The following KBTBD11 variants were observed in gnomAD, a reference collection of about 807,000 sequenced individuals.
The protein encoded by KBTBD11 is kelch repeat and BTB domain containing 11, also known as kelch repeat and BTB domain-containing protein 11.
For missense variants in KBTBD11, 1,390 were observed against 1,001.8 expected, an observed-to-expected ratio of 1.39 and a Z score of -5.23; for synonymous variants, 747 against 499.0, an observed-to-expected ratio of 1.50 and a Z score of -6.63.
intron 1 of KBTBD11, among the ~76,000 whole-genome samples, chr8:1,995,485 C>T (rs191651008): frequency 9.9e-5 from 15 of 152,156 alleles, no homozygotes; most frequent in Non-Finnish European, 1.8e-4. Context: ...TTTCATGGTC[C>T]CTTTACACTA....
chr8:2,002,363 A>G lies in KBTBD11; in HGVS notation c.1171A>G (p.Ser391Gly), dbSNP rs986872277. The change falls in exon 2 of 2, where the codon AGC becomes GGC. Residue 391 changes from serine to glycine, a missense_variant. Ser to Gly is a moderately conservative substitution (Grantham distance 56). Coordinates refer to ENST00000320248, the MANE Select transcript of KBTBD11 (RefSeq NM_014867.3). The surrounding 1 kb of genome is among the most constrained non-coding windows in gnomAD (Gnocchi z 4.1). ...CTTCTGCTACAACCCGGCCACGGAC[A>G]GCTGGAGCGCCGTGAGGCCCCTGCG... ...QVFCYNPATD[S>G]WSAVRPLRQA... 2.7e-6 allele frequency: 4 copies of G among 1,465,656 alleles called. No homozygotes were observed. Among genetic ancestry groups the G allele is most frequent in the South Asian group, 2.5e-5 (2 of 78,768 alleles). The allele number at this position is 1,465,656 out of a possible 1,614,324, so 90.8% of individuals were successfully genotyped here. A position where few individuals can be genotyped will look rare whatever the true frequency, so the allele number is the denominator to read the frequency against.
chr8:1,988,219 T>A (rs1413926779), intron 1 of KBTBD11, among the ~76,000 whole-genome samples: 1 of 152,230 alleles, frequency 6.6e-6, no homozygotes, highest in African/African-American at 2.4e-5. Context: ...TATAGCAGCA[T>A]GATTTATAGT....
At chr8:1,983,617 C>T (rs1816612821) in intron 1 of KBTBD11, among the ~76,000 whole-genome samples, 1 of 152,184 alleles carries the variant, frequency 6.6e-6, no homozygotes, top group Non-Finnish European at 1.5e-5. Flanking sequence ...TCACACTGTC[C>T]CTATGGGACC....
chr8:1,998,961 G>A (rs1405397725), intron 1 of KBTBD11, among the ~76,000 whole-genome samples: 1 of 152,206 alleles, frequency 6.6e-6, no homozygotes, highest in East Asian at 1.9e-4. Context: ...GCACCTGTCA[G>A]TGTGGGCATG....
chr8:1,974,817 C>G (rs1277711753), intron 1 of KBTBD11: 2 of 405,686 alleles, frequency 4.9e-6, no homozygotes, highest in Non-Finnish European at 6.7e-6. Flanking sequence ...CCTCCACCCA[C>G]TCCAGTGTCT....
At chr8:1,993,348 T>G (rs1161198251) in intron 1 of KBTBD11, among the ~76,000 whole-genome samples, 1 of 144,062 alleles carries the variant, frequency 6.9e-6, no homozygotes, top group East Asian at 2.0e-4. Context: ...CATCTTTCTG[T>G]CCATCCATCG....
At position 2,004,035 on chromosome 8, in the gene KBTBD11, C is replaced by G. The variant is rs1817497307; in HGVS notation, c.*971C>G. ...AAAGTGTAGGCACATTTTAAACCCACTGTATATGATGTTTTCAATGTGGAT... is the reference window on the plus strand; with the variant it reads ...AAAGTGTAGGCACATTTTAAACCCAGTGTATATGATGTTTTCAATGTGGAT... On this transcript the variant is annotated 3_prime_UTR_variant, in exon 2 of 2. Coordinates refer to ENST00000320248, the MANE Select transcript of KBTBD11 (RefSeq NM_014867.3). 6.0e-6 allele frequency: 1 copy of G among 166,820 alleles called. No homozygotes were observed. The allele number at this position is 166,820 out of a possible 1,614,324, so 10.3% of individuals were successfully genotyped here.
intron 1 of KBTBD11, among the ~76,000 whole-genome samples, chr8:1,996,799 T>G (rs969442859): frequency 1.3e-5 from 2 of 152,206 alleles, no homozygotes; most frequent in Non-Finnish European, 2.9e-5. Flanking sequence ...ATTTTTTAAT[T>G]TGTATTAATC....
chr8:1,989,999 G>C lies in KBTBD11; in HGVS notation c.-908-10286G>C, dbSNP rs866646620. On this transcript the variant is annotated intron_variant, in intron 1 of 1. Transcript: ENST00000320248. ...AGACAGAGGAAGAGAGGAGAATATT[G>C]AACTTTGGTGTTGGTCAGCTGCTAA... Among the ~76,000 whole-genome samples, 3 of 123,940 alleles carry C rather than the reference G, an allele frequency of 2.4e-5. No individual in the cohort carries two copies. In the South Asian group the frequency reaches 8.5e-4, roughly 35 times the overall value. The allele number at this position is 123,940 out of a possible 152,430, so 81.3% of individuals were successfully genotyped here. A position where few individuals can be genotyped will look rare whatever the true frequency, so the allele number is the denominator to read the frequency against.
At chr8:1,987,833 T>C (rs1361612556) in intron 1 of KBTBD11, among the ~76,000 whole-genome samples, 1 of 152,080 alleles carries the variant, frequency 6.6e-6, no homozygotes, top group African/African-American at 2.4e-5. Flanking sequence ...GCTGCACCCA[T>C]TAACTCGTCA....
intron 1 of KBTBD11, among the ~76,000 whole-genome samples, chr8:1,999,601 G>T (rs930857873): frequency 2.6e-5 from 4 of 152,194 alleles, no homozygotes; most frequent in African/African-American, 4.8e-5. Flanking sequence ...ACTTCATTCA[G>T]TCTTTTCGCT....
intron 1 of KBTBD11, among the ~76,000 whole-genome samples, chr8:1,993,850 G>C (rs1279954498): frequency 6.6e-6 from 1 of 151,224 alleles, no homozygotes; most frequent in Non-Finnish European, 1.5e-5. Flanking sequence ...TCTCAAACCA[G>C]GATGGGGGTT....
Position 1,983,748 on chromosome 8 carries a change from T to C in KBTBD11, c.-909+9813T>C, listed in dbSNP as rs529532717. 2.6e-5 allele frequency among the ~76,000 whole-genome samples: 4 copies of C among 152,368 alleles called. No homozygotes were observed. The South Asian group carries it at 6.2e-4, about 24-fold the overall frequency. On this transcript the variant is annotated intron_variant, in intron 1 of 1. Transcript: ENST00000320248. ...ATGTATTTCACATGTGTTCAGCTTA[T>C]CTCTCCCAATTAATTTGGAGACTGC...
At chr8:1,974,503 G>A in intron 1 of KBTBD11, 11 of 984,896 alleles carry the variant, frequency 1.1e-5, no homozygotes, top group Non-Finnish European at 1.1e-5. Context: ...CTGGACTCGG[G>A]GCCCTGGGGA....
Position 1,977,698 on chromosome 8 carries a change from ATT to A in KBTBD11, c.-909+3771_-909+3772del, listed in dbSNP as rs11365795. Among the ~76,000 whole-genome samples the A allele has an allele frequency of 2.7e-4, 41 of 151,200 alleles. 1 individual carries two copies. Among genetic ancestry groups the A allele is most frequent in the African/African-American group, 9.0e-4 (37 of 41,118 alleles). ...TCCAGCACACCCAACTTATTTATTT[ATT>A]TTTTTTTGTAGTTTTAGTAGAGATG... On this transcript the variant is annotated intron_variant, in intron 1 of 1. Coordinates refer to ENST00000320248, the MANE Select transcript of KBTBD11 (RefSeq NM_014867.3).
chr8:1,999,437 G>A (rs1817262741), intron 1 of KBTBD11, among the ~76,000 whole-genome samples: 2 of 152,194 alleles, frequency 1.3e-5, no homozygotes, highest in Admixed American at 1.3e-4. Context: ...CTTTTCTTTA[G>A]AAGGCCAGAA....
At chr8:1,978,921 A>G (rs1334634245) in intron 1 of KBTBD11, among the ~76,000 whole-genome samples, 3 of 152,124 alleles carry the variant, frequency 2.0e-5, no homozygotes, top group Non-Finnish European at 4.4e-5. Context: ...CCTTCCTCTA[A>G]TGCAAAGGCT....
In KBTBD11 at chr8:2,002,838, G is replaced by A. The variant is rs1415699057; in HGVS notation, c.1646G>A (p.Gly549Asp). Residue 549 changes from glycine (G) to aspartate (D), a missense_variant, in exon 2 of 2, where the codon GGC (glycine) becomes GAC (aspartate). Transcript: ENST00000320248. This position sits in a 1 kb window ranked among gnomAD's most constrained non-coding sequence, Gnocchi z 4.1. ...APLRLPGGPT[G>D]LQPFRCAALD... ...CTGCGCCTCCCCGGCGGCCCCACGG[G>A]CCTGCAGCCCTTCCGCTGCGCCGCC... The A allele has an allele frequency of 5.7e-6, 8 of 1,412,696 alleles. No homozygotes were observed. Among genetic ancestry groups the A allele is most frequent in the Non-Finnish European group, 6.4e-6 (7 of 1,093,198 alleles). 87.5% of individuals were successfully genotyped at this position (1,412,696 alleles called of 1,614,324 possible).
At position 2,004,770 on chromosome 8, in the gene KBTBD11, C is replaced by G. The variant is rs1817521540; in HGVS notation, c.*1706C>G. The G allele has an allele frequency of 1.8e-5, 3 of 167,024 alleles. No homozygotes were observed. The highest frequency in any genetic ancestry group is 4.8e-5 in the African/African-American group (2 of 41,430). The allele number at this position is 167,024 out of a possible 1,614,324, so 10.3% of individuals were successfully genotyped here. A position where few individuals can be genotyped will look rare whatever the true frequency, so the allele number is the denominator to read the frequency against. On this transcript the variant is annotated 3_prime_UTR_variant, in exon 2 of 2. Transcript: ENST00000320248. Reference sequence around the variant, plus strand: ...GAAAAACAGACTTCATATCGCCTGACTTGATTGGCCTTTTATAGGAGTATA... The same window carrying G: ...GAAAAACAGACTTCATATCGCCTGAGTTGATTGGCCTTTTATAGGAGTATA...
Sources: gnomAD v4.1 joint callset for allele counts (sites outside exome capture counted in the v4.1 genomes callset) on GRCh38, gnomAD v4.1.1 for gene constraint, Gnocchi (gnomAD v3.1) non-coding constraint, MANE v1.5 for transcripts, NCBI Gene and HGNC (gene_info 2026-07-23, HGNC 2026-07-21) for gene names.